COQ6: variants seen among roughly 807,000 people sequenced by gnomAD.
The protein encoded by COQ6 is coenzyme Q6, monooxygenase, also known as ubiquinone biosynthesis monooxygenase COQ6, mitochondrial.
A neutral mutation model predicts 55.5 loss-of-function variants in COQ6; 45 were observed. The observed-to-expected ratio is 0.81, with a 90% CI of 0.64 to 1.04. The LOEUF (loss-of-function observed/expected upper bound fraction) is 1.04. COQ6 is among the 50% of genes least tolerant of loss of function. The pLI is 0.00. For missense variants in COQ6, 550 were observed against 601.3 expected (o/e 0.91, Z 0.89); for synonymous variants, 206 against 230.5 (o/e 0.89, Z 0.96).
In COQ6 at chr14:73,961,505, G is replaced by T; in HGVS notation, c.1145G>T (p.Gly382Val). ...CTTGCAGGACAGGGTGTCAACATGG[G>T]CTTTGGGGATATCTCCAGCTTGGCC... ...HPLAGQGVNM[G>V]FGDISSLAHH... The change falls in exon 10 of 12, where the codon GGC becomes GTC. Residue 382 changes from glycine (G) to valine (V), a missense_variant. Transcript: ENST00000334571. 3 of 1,614,188 alleles carry T rather than the reference G, an allele frequency of 1.9e-6. No individual in the cohort carries two copies. The highest frequency in any genetic ancestry group is 2.5e-6 in the Non-Finnish European group (3 of 1,180,038).
chr14:73,959,611 AG>A (rs2056615270), intron 8 of COQ6, 89 bp downstream of exon 8: 1 of 1,599,018 alleles, frequency 6.3e-7, no homozygotes, highest in Admixed American at 1.7e-5. Flanking sequence ...GATCCTTGCC[AG>A]GCTGGAGCGC....
upstream of COQ6, chr14:73,950,098 G>A (rs1323766862): frequency 1.2e-6 from 2 of 1,603,964 alleles, no homozygotes; most frequent in East Asian, 2.2e-5. Context: ...GAGCTATGCG[G>A]GGCCAGGGTC....
At chr14:73,960,870 G>GT (rs2056688027) in intron 8 of COQ6, 1 of 468,628 alleles carries the variant, frequency 2.1e-6, no homozygotes, top group Non-Finnish European at 3.9e-6. Context: ...GGAGGTAGAA[G>GT]GATACTGTGT....
rs1566697323 is a variant in COQ6 at position 73,963,390 on chromosome 14, CGATGCATTTTTGT to C, written c.*392_*404del. The stretch of plus-strand genomic sequence containing the variant: ...TTTTGATAGAGGTAAGAATTAGACT[CGATGCATTTTTGT>C]TAGAATTGCTGTTTAAATGTTAACA... On this transcript the variant is annotated 3_prime_UTR_variant, in exon 12 of 12. Transcript: ENST00000334571. 2.3e-5 allele frequency: 7 copies of C among 301,536 alleles called. No homozygotes were observed. The highest frequency in any genetic ancestry group is 9.3e-5 in the Admixed American group (2 of 21,412). The allele number at this position is 301,536 out of a possible 1,614,324, so 18.7% of individuals were successfully genotyped here.
intron 1 of COQ6, among the ~76,000 whole-genome samples, chr14:73,951,774 G>A (rs1325304732): frequency 6.6e-6 from 1 of 151,298 alleles, no homozygotes; most frequent in Non-Finnish European, 1.5e-5. Flanking sequence ...TCTAAGGGCA[G>A]CTGTTCCACC....
rs150656371 is a variant in COQ6 at position 73,961,805 on chromosome 14, A to T, written c.1279A>T (p.Thr427Ser). 3 of 1,614,154 alleles carry T rather than the reference A, an allele frequency of 1.9e-6. No homozygotes were observed. Among genetic ancestry groups the T allele is most frequent in the East Asian group, 4.5e-5 (2 of 44,884 alleles). The change falls in exon 11 of 12, where the codon ACA becomes TCA. Residue 427 changes from threonine (T) to serine (S), a missense_variant. Physicochemically the swap from Thr to Ser is moderately conservative, Grantham distance 58. Coordinates refer to ENST00000334571, the MANE Select transcript of COQ6 (RefSeq NM_182476.3). Reference sequence around the variant, plus strand: ...TCACAACACTGCTCTTCTGGCTGCTACAGACTTACTAAAAAGGCTCTATTC... The same window carrying T: ...TCACAACACTGCTCTTCTGGCTGCTTCAGACTTACTAAAAAGGCTCTATTC... ...QRHNTALLAA[T>S]DLLKRLYSTS...
At position 73,963,227 on chromosome 14, in the gene COQ6, C is replaced by G; in HGVS notation, c.*228C>G. On this transcript the variant is annotated 3_prime_UTR_variant, in exon 12 of 12. Coordinates refer to ENST00000334571, the MANE Select transcript of COQ6 (RefSeq NM_182476.3). ...GGAAAAAACTTCGAAGGAAGACTTA[C>G]AATTTGGTTGAAAAGAGCTTTTTAT... is the stretch of plus-strand genomic sequence containing the variant. 3.4e-6 allele frequency: 2 copies of G among 580,402 alleles called. No individual in the cohort carries two copies. The highest frequency in any genetic ancestry group is 6.1e-6 in the Non-Finnish European group (2 of 326,916). 36.0% of individuals were successfully genotyped at this position (580,402 alleles called of 1,614,324 possible). A position where few individuals can be genotyped will look rare whatever the true frequency, so the allele number is the denominator to read the frequency against.
At chr14:73,959,880 T>C in intron 8 of COQ6, 1 of 1,236,762 alleles carries the variant, frequency 8.1e-7, no homozygotes, top group Non-Finnish European at 1.0e-6. Context: ...AGAAAGGTGG[T>C]TTTGAGTCAG....
At position 73,963,135 on chromosome 14, in the gene COQ6, A is replaced by G. The variant is rs752175108; in HGVS notation, c.*136A>G. 2 of 814,602 alleles carry G rather than the reference A, an allele frequency of 2.5e-6. No homozygotes were observed. The highest frequency in any genetic ancestry group is 2.7e-5 in the East Asian group (1 of 37,656). The allele number at this position is 814,602 out of a possible 1,614,324, so 50.5% of individuals were successfully genotyped here. Reference sequence around the variant, plus strand: ...AAATTCTCTTTTTCTTCTTTGCTTAATGGGCCTGTGGCACCCAAATAATGA... The same window carrying G: ...AAATTCTCTTTTTCTTCTTTGCTTAGTGGGCCTGTGGCACCCAAATAATGA... On this transcript the variant is annotated 3_prime_UTR_variant, in exon 12 of 12. Transcript: ENST00000334571.
At chr14:73,950,077 G>T, upstream of COQ6, 1 of 1,604,922 alleles carries the variant, frequency 6.2e-7, no homozygotes. Flanking sequence ...TGGCAGCAGC[G>T]GTGGCAGCGA....
Position 73,953,546 on chromosome 14 carries a change from C to G in COQ6, c.275C>G (p.Pro92Arg). The change falls in exon 2 of 12, where the codon CCT (proline) becomes CGT (arginine). Residue 92 changes from proline to arginine, a missense_variant. Pro to Arg is a moderately radical substitution (Grantham distance 103). Coordinates refer to ENST00000334571, the MANE Select transcript of COQ6 (RefSeq NM_182476.3). ...TYSNRVSSIS[P>R]GSATLLSSFG... ...AGCAACAGGGTCAGCTCCATTTCCC[C>G]TGGCTCTGCAACGCTTCTCAGTAGT... is the stretch of plus-strand genomic sequence containing the variant. 6.2e-7 allele frequency: 1 copy of G among 1,614,190 alleles called. No homozygotes were observed. The highest frequency in any genetic ancestry group is 8.5e-7 in the Non-Finnish European group (1 of 1,180,050).
At chr14:73,951,375 CTT>C (rs149145286) in intron 1 of COQ6, among the ~76,000 whole-genome samples, 101,126 of 149,998 alleles carry the variant, frequency 0.67, 34,084 homozygotes, top group South Asian at 0.77. Flanking sequence ...AGTCTTTTCA[CTT>C]TTTTTTTTTT....
At position 73,963,480 on chromosome 14, in the gene COQ6, G is replaced by GAAAGTCCAGT; in HGVS notation, c.*481_*482insAAAGTCCAGT. 1 of 181,912 alleles carries GAAAGTCCAGT rather than the reference G, an allele frequency of 5.5e-6. No individual in the cohort carries two copies. Among genetic ancestry groups the GAAAGTCCAGT allele is most frequent in the Non-Finnish European group, 1.1e-5 (1 of 87,514 alleles). 11.3% of individuals were successfully genotyped at this position (181,912 alleles called of 1,614,324 possible). A position where few individuals can be genotyped will look rare whatever the true frequency, so the allele number is the denominator to read the frequency against. ...CTTTAACCTTTGTTACAGGTATACT[G>GAAAGTCCAGT]GACTTTCTGAAAGGAAAACCAGGTC... On this transcript the variant is annotated 3_prime_UTR_variant, in exon 12 of 12. Coordinates refer to ENST00000334571, the MANE Select transcript of COQ6 (RefSeq NM_182476.3).
intron 2 of COQ6, among the ~76,000 whole-genome samples, chr14:73,955,105 A>T (rs1259718074): frequency 1.3e-5 from 2 of 151,072 alleles, no homozygotes; most frequent in Admixed American, 1.3e-4. Flanking sequence ...GGCGCCCGCC[A>T]CCACGCCCAG....
At chr14:73,954,685 T>C (rs2056334344) in intron 2 of COQ6, among the ~76,000 whole-genome samples, 1 of 150,988 alleles carries the variant, frequency 6.6e-6, no homozygotes, top group African/African-American at 2.4e-5. Context: ...CTACTAAAAA[T>C]ACAAAAAAAT....
chr14:73,950,517 T>C (rs1198432810), intron 1 of COQ6, 22 bp downstream of exon 1: 2 of 1,587,888 alleles, frequency 1.3e-6, no homozygotes, highest in African/African-American at 2.7e-5. Context: ...TCCAGGCTAC[T>C]AGTGGCCGGA....
intron 1 of COQ6, 95 bp downstream of exon 1, chr14:73,950,590 T>C: frequency 6.7e-7 from 1 of 1,484,444 alleles, no homozygotes; most frequent in Non-Finnish European, 9.0e-7. Flanking sequence ...CCAAAGACAA[T>C]TTCTCAGGTC....
In COQ6 at chr14:73,961,386, A is replaced by T. The variant is rs761426479; in HGVS notation, c.1094+11A>T. 2 of 1,614,126 alleles carry T rather than the reference A, an allele frequency of 1.2e-6. No individual in the cohort carries two copies. Among genetic ancestry groups the T allele is most frequent in the Admixed American group, 3.3e-5 (2 of 60,018 alleles). ...GGTGGCGCTCATTGGGTAAGACGATAACAGAGCAGGGCCACTCCCTTCTCA... is the reference window on the plus strand; with the variant it reads ...GGTGGCGCTCATTGGGTAAGACGATTACAGAGCAGGGCCACTCCCTTCTCA... On this transcript the variant is annotated intron_variant, in intron 9 of 11. Coordinates refer to ENST00000334571, the MANE Select transcript of COQ6 (RefSeq NM_182476.3).
chr14:73,952,075 CCAAGATGGACCGCTCA>C (rs1184041029), intron 1 of COQ6, among the ~76,000 whole-genome samples: 1 of 148,818 alleles, frequency 6.7e-6, no homozygotes, highest in East Asian at 2.0e-4. Context: ...GCAAAAGCTG[CCAAGATGGACCGCTCA>C]CTGTCTGTAT....
Sources: allele counts gnomAD v4.1 joint callset (sites outside exome capture counted in the v4.1 genomes callset), GRCh38; gene constraint gnomAD v4.1.1; transcripts MANE v1.5; gene names NCBI Gene and HGNC (gene_info 2026-07-23, HGNC 2026-07-21).